GABBR2: variants seen among roughly 807,000 people sequenced by gnomAD.
GABBR2 encodes the protein G-protein coupled receptor 51.
Under a neutral mutation model 105.6 loss-of-function variants are expected in GABBR2, and 23 were observed. That is an observed-to-expected ratio of 0.22 (90% CI 0.16 to 0.31). The LOEUF (loss-of-function observed/expected upper bound fraction) is 0.31, where lower values mean the gene tolerates loss of function less well. Ranked by LOEUF, GABBR2 falls within the 10% of genes least tolerant of loss-of-function variation. The probability of loss-of-function intolerance (pLI) is 1.00; values close to 1 mark genes in which losing one functional copy is unlikely to be tolerated. For synonymous variants in GABBR2, 478 were observed against 499.7 expected (o/e 0.96, Z 0.58); for missense variants, 734 against 1,245.5 (o/e 0.59, Z 6.18).
intron 3 of GABBR2, among the ~76,000 whole-genome samples, chr9:98,509,045 C>G (rs1003833849): frequency 6.6e-6 from 1 of 152,192 alleles, no homozygotes; most frequent in Non-Finnish European, 1.5e-5. Context: ...ACACCTCACA[C>G]GACTGGGTAC....
chr9:98,531,368 C>G (rs917097975), intron 3 of GABBR2, among the ~76,000 whole-genome samples: 1 of 152,202 alleles, frequency 6.6e-6, no homozygotes, highest in African/African-American at 2.4e-5. Context: ...ATGGGACAGC[C>G]ATCTTCTCTC....
chr9:98,587,002 CA>C, intron 1 of GABBR2, among the ~76,000 whole-genome samples: 1 of 152,330 alleles, frequency 6.6e-6, no homozygotes, highest in Non-Finnish European at 1.5e-5. Flanking sequence ...GCGTTTGCTG[CA>C]TGTTCTCTAA....
In GABBR2 at chr9:98,473,243, C is replaced by T. The variant is rs760023782; in HGVS notation, c.902G>A (p.Arg301His). Reference protein sequence around the residue: ...EQVHTEANSSRCLRKNLLAAM... With the variant: ...EQVHTEANSSHCLRKNLLAAM... ...AGCAAGCAGATTCTTCCGGAGGCAG[C>T]GGGATGAGTTGGCTTCCGTGTGCAC... is the stretch of plus-strand genomic sequence containing the variant. Residue 301 changes from arginine to histidine, a missense_variant, in exon 6 of 19, where the codon CGC becomes CAC. Physicochemically the swap from Arg to His is conservative, Grantham distance 29. This residue lies in a region of GABBR2 where 370 missense variants were observed against 648.9 expected (regional missense o/e 0.57). Coordinates refer to ENST00000259455, the MANE Select transcript of GABBR2 (RefSeq NM_005458.8). 1.3e-5 allele frequency: 21 copies of T among 1,613,402 alleles called. No individual in the cohort carries two copies. Among genetic ancestry groups the T allele is most frequent in the Admixed American group, 1.7e-5 (1 of 59,972 alleles).
At chr9:98,398,563 C>T (rs1165185367) in intron 8 of GABBR2, among the ~76,000 whole-genome samples, 2 of 152,156 alleles carry the variant, frequency 1.3e-5, no homozygotes, top group Non-Finnish European at 2.9e-5. Flanking sequence ...TGTGTGACGT[C>T]CCCTCATGGG....
At position 98,576,977 on chromosome 9, in the gene GABBR2, T is replaced by C. The variant is rs372863046; in HGVS notation, c.459+958A>G. On this transcript the variant is annotated intron_variant, in intron 2 of 18. Transcript: ENST00000259455. ...ATAGGTGAATGGGTGGGTGGATGTATGGATGGATGGATGTATGGGTGGATG... is the reference window on the plus strand; with the variant it reads ...ATAGGTGAATGGGTGGGTGGATGTACGGATGGATGGATGTATGGGTGGATG... Among the ~76,000 whole-genome samples, 72 of 150,718 alleles carry C rather than the reference T, an allele frequency of 4.8e-4. 1 individual carries two copies. In the East Asian group the frequency reaches 0.014, roughly 29 times the overall value.
chr9:98,645,494 G>A (rs947819300), intron 1 of GABBR2, among the ~76,000 whole-genome samples: 2 of 152,178 alleles, frequency 1.3e-5, no homozygotes, highest in African/African-American at 4.8e-5. Flanking sequence ...GGGCTACCCT[G>A]CACCTTCAGC....
chr9:98,652,869 G>A lies in GABBR2; in HGVS notation c.321+55548C>T, dbSNP rs116119900. On this transcript the variant is annotated intron_variant, in intron 1 of 18. Transcript: ENST00000259455. ...CCCAGGAGCAGTGGTTCTCAACCTT[G>A]GCTGCACATTTAAATCGCCAGGGAA... Among the ~76,000 whole-genome samples, 1,332 of 152,324 alleles carry A rather than the reference G, an allele frequency of 8.7e-3. 20 individuals are homozygous for A. The highest frequency in any genetic ancestry group is 0.03 in the African/African-American group (1,247 of 41,562).
intron 1 of GABBR2, among the ~76,000 whole-genome samples, chr9:98,583,634 C>T (rs977013105): frequency 3.9e-5 from 6 of 152,278 alleles, no homozygotes; most frequent in South Asian, 4.1e-4. Context: ...TTGGCATATA[C>T]GCTATAGGCT....
At chr9:98,679,044 C>A (rs1830508691) in intron 1 of GABBR2, among the ~76,000 whole-genome samples, 1 of 152,090 alleles carries the variant, frequency 6.6e-6, no homozygotes, top group Non-Finnish European at 1.5e-5. Context: ...AAAGAGGATA[C>A]CTCCAGGACA....
At chr9:98,649,905 A>G (rs938047984) in intron 1 of GABBR2, among the ~76,000 whole-genome samples, 4 of 152,174 alleles carry the variant, frequency 2.6e-5, no homozygotes, top group Non-Finnish European at 5.9e-5. Flanking sequence ...ATGACCATCT[A>G]TTTTGGATAT....
At chr9:98,634,912 A>ACTTCTG (rs983632222) in intron 1 of GABBR2, among the ~76,000 whole-genome samples, 7 of 152,202 alleles carry the variant, frequency 4.6e-5, no homozygotes, top group African/African-American at 1.7e-4. Flanking sequence ...AGGTGAGGCC[A>ACTTCTG]CTTCTGTTTC....
chr9:98,652,418 G>A (rs1830121142), intron 1 of GABBR2, among the ~76,000 whole-genome samples: 1 of 152,120 alleles, frequency 6.6e-6, no homozygotes, highest in Non-Finnish European at 1.5e-5. Flanking sequence ...TTTTACAGAT[G>A]AGGACCCTGA....
intron 1 of GABBR2, among the ~76,000 whole-genome samples, chr9:98,589,023 G>A (rs10986850): frequency 0.044 from 6,741 of 152,248 alleles, 136 homozygotes; most frequent in African/African-American, 0.06. Flanking sequence ...CAGGTGTGGC[G>A]TCTTTGGGTA....
At chr9:98,674,528 C>T (rs1830450368) in intron 1 of GABBR2, among the ~76,000 whole-genome samples, 1 of 152,096 alleles carries the variant, frequency 6.6e-6, no homozygotes, top group South Asian at 2.1e-4. Context: ...ACCGCAGGAC[C>T]TTTTGTGTTC....
intron 2 of GABBR2, among the ~76,000 whole-genome samples, chr9:98,542,999 G>T (rs1215576026): frequency 6.6e-6 from 1 of 152,108 alleles, no homozygotes; most frequent in African/African-American, 2.4e-5. Flanking sequence ...TATTATAGTT[G>T]CTGCAAATAT....
chr9:98,596,005 C>T (rs1829229345), intron 1 of GABBR2, among the ~76,000 whole-genome samples: 1 of 152,232 alleles, frequency 6.6e-6, no homozygotes, highest in Non-Finnish European at 1.5e-5. Context: ...AAGTCTTTGC[C>T]AGGTGAGATG....
intron 1 of GABBR2, among the ~76,000 whole-genome samples, chr9:98,646,315 T>C (rs2096383315): frequency 6.6e-6 from 1 of 152,186 alleles, no homozygotes. Context: ...ATAAAAACCT[T>C]GCACACTGAG....
chr9:98,516,409 C>A (rs1420081201), intron 3 of GABBR2: 2 of 152,336 alleles, frequency 1.3e-5, no homozygotes, highest in Non-Finnish European at 2.9e-5. Context: ...ACTCACCAGC[C>A]CTCATTGGAC....
chr9:98,581,509 GGGAGGGAGGGAGACAGGGA>G (rs1829003502), intron 1 of GABBR2, among the ~76,000 whole-genome samples: 1 of 101,050 alleles, frequency 9.9e-6, no homozygotes, highest in Admixed American at 8.9e-5. Flanking sequence ...GAGGGAGGGA[GGGAGGGAGGGAGACAGGGA>G]GGGAGGGAGG....
Sources: gnomAD v4.1 joint callset for allele counts (sites outside exome capture counted in the v4.1 genomes callset) on GRCh38, gnomAD v4.1.1 for gene constraint, gnomAD v4.1.1 regional missense constraint, MANE v1.5 for transcripts, NCBI Gene and HGNC (gene_info 2026-07-23, HGNC 2026-07-21) for gene names.